GLG1: variants seen among roughly 807,000 people sequenced by gnomAD.
GLG1 encodes Golgi apparatus protein 1.
In GLG1, 38 loss-of-function variants were observed where a neutral mutation model predicts 160.5. The ratio of observed to expected loss-of-function variants is 0.24; its 90% CI spans 0.18 to 0.31. GLG1 has a LOEUF of 0.31. GLG1 is among the 10% of genes least tolerant of loss of function. The pLI, the probability that GLG1 is intolerant of heterozygous loss-of-function variation, is 1.00. For missense variants in GLG1, 1,373 were observed against 1,505.2 expected (o/e 0.91, Z 1.45); for synonymous variants, 644 against 543.4 (o/e 1.19, Z -2.57).
intron 1 of GLG1, among the ~76,000 whole-genome samples, chr16:74,539,051 C>T (rs922481400): frequency 2.0e-5 from 3 of 151,120 alleles, no homozygotes; most frequent in Non-Finnish European, 2.9e-5. Flanking sequence ...ATTGAAAAGG[C>T]ACATTCTGTG....
In GLG1 at chr16:74,598,518, TC is replaced by T. The variant is rs544623037; in HGVS notation, c.438+8138del. On this transcript the variant is annotated intron_variant, in intron 1 of 25. Coordinates refer to ENST00000422840, the MANE Select transcript of GLG1 (RefSeq NM_001145667.2). ...CTTGGTGACAGAATGAGACTCCATC[TC>T]AAAAAAAAAAAGAAAAAAGAAAGAA... Among the ~76,000 whole-genome samples, 26 of 144,192 alleles carry T rather than the reference TC, an allele frequency of 1.8e-4. No individual in the cohort carries two copies. The South Asian group carries it at 5.5e-3, about 30-fold the overall frequency. 94.6% of individuals were successfully genotyped at this position (144,192 alleles called of 152,430 possible). A position where few individuals can be genotyped will look rare whatever the true frequency, so the allele number is the denominator to read the frequency against.
chr16:74,528,968 G>GC (rs965208226), intron 2 of GLG1, among the ~76,000 whole-genome samples: 35 of 108,806 alleles, frequency 3.2e-4, no homozygotes, highest in Middle Eastern at 5.2e-3. Context: ...CATTCTGTCT[G>GC]CCTTTTTTTT....
At chr16:74,522,973 G>A (rs888271444) in intron 2 of GLG1, among the ~76,000 whole-genome samples, 9 of 152,056 alleles carry the variant, frequency 5.9e-5, no homozygotes, top group African/African-American at 1.2e-4. Flanking sequence ...CCAGAGCCAC[G>A]GAACCCAGCA....
chr16:74,533,057 A>G (rs1002428194), intron 1 of GLG1, among the ~76,000 whole-genome samples: 1 of 152,244 alleles, frequency 6.6e-6, no homozygotes, highest in Non-Finnish European at 1.5e-5. Context: ...ACGGTGGCTC[A>G]CGCCTGTAAT....
intron 1 of GLG1, among the ~76,000 whole-genome samples, chr16:74,548,684 T>C (rs1014619741): frequency 1.3e-5 from 2 of 152,050 alleles, no homozygotes; most frequent in Non-Finnish European, 2.9e-5. Flanking sequence ...GACTATTAGA[T>C]GATCAATTCT....
intron 1 of GLG1, among the ~76,000 whole-genome samples, chr16:74,558,782 A>G (rs1026649706): frequency 6.6e-6 from 1 of 152,254 alleles, no homozygotes; most frequent in Non-Finnish European, 1.5e-5. Context: ...AGAAGGGCAG[A>G]TAAATGTTTC....
At chr16:74,567,429 T>C (rs2018687309) in intron 1 of GLG1, among the ~76,000 whole-genome samples, 2 of 152,150 alleles carry the variant, frequency 1.3e-5, no homozygotes, top group East Asian at 3.9e-4. Context: ...TAGAAGCAAA[T>C]ACAAAACATT....
chr16:74,582,578 T>C (rs185842760), intron 1 of GLG1, among the ~76,000 whole-genome samples: 1,610 of 152,102 alleles, frequency 0.011, 24 homozygotes, highest in African/African-American at 0.037. Context: ...CCCAGCACTT[T>C]GGGAGGCCAA....
intron 4 of GLG1, among the ~76,000 whole-genome samples, chr16:74,496,949 G>C (rs1812847474): frequency 6.6e-6 from 1 of 152,022 alleles, no homozygotes; most frequent in Non-Finnish European, 1.5e-5. Context: ...ATAAGAACCT[G>C]AATTTTTAAA....
rs750403765 is a variant in GLG1 at position 74,459,800 on chromosome 16, G to A, written c.3037-11C>T. 2.7e-6 allele frequency: 4 copies of A among 1,464,574 alleles called. No homozygotes were observed. The highest frequency in any genetic ancestry group is 1.2e-5 in the South Asian group (1 of 82,566). 90.7% of individuals were successfully genotyped at this position (1,464,574 alleles called of 1,614,324 possible). A position where few individuals can be genotyped will look rare whatever the true frequency, so the allele number is the denominator to read the frequency against. On this transcript the variant is annotated splice_polypyrimidine_tract_variant and intron_variant, in intron 22 of 25. Transcript: ENST00000422840. ...ACATAGACTGGAGATCTGTTCAGGA[G>A]ACACAAAAAACAAAGCTACCCCACT...
At chr16:74,579,766 T>C (rs906315263) in intron 1 of GLG1, among the ~76,000 whole-genome samples, 1 of 147,136 alleles carries the variant, frequency 6.8e-6, no homozygotes, top group Admixed American at 6.8e-5. Context: ...GAGATCTTCA[T>C]ATGAAGACCT....
chr16:74,491,862 C>T (rs555149049), intron 7 of GLG1, among the ~76,000 whole-genome samples: 11 of 151,398 alleles, frequency 7.3e-5, no homozygotes, highest in African/African-American at 2.4e-4. Flanking sequence ...CTCCTGACCT[C>T]GTGATCTGCC....
chr16:74,498,798 G>A (rs1398629817), intron 4 of GLG1, among the ~76,000 whole-genome samples: 2 of 147,998 alleles, frequency 1.4e-5, no homozygotes, highest in East Asian at 2.0e-4. Context: ...CTGGGAGGCG[G>A]AGGTTGCAGT....
chr16:74,469,369 T>C, intron 16 of GLG1: 1 of 380,146 alleles, frequency 2.6e-6, no homozygotes, highest in Non-Finnish European at 4.9e-6. Flanking sequence ...AGAGGAATGC[T>C]GCTCTTAACT....
intron 2 of GLG1, among the ~76,000 whole-genome samples, chr16:74,522,972 C>T (rs1262913372): frequency 1.3e-5 from 2 of 152,182 alleles, no homozygotes; most frequent in African/African-American, 2.4e-5. Flanking sequence ...GCCAGAGCCA[C>T]GGAACCCAGC....
At chr16:74,532,804 G>C (rs1313700324) in intron 1 of GLG1, among the ~76,000 whole-genome samples, 1 of 152,168 alleles carries the variant, frequency 6.6e-6, no homozygotes, top group Non-Finnish European at 1.5e-5. Flanking sequence ...TGGGATTACA[G>C]ATGTGAATTA....
rs1263716426 is a variant in GLG1, at chr16:74,607,110, A to G, written c.-16T>C. ...ACGCCGCCATCTTGAGTCCGCGGCGAGCTCGACGCACTCGCCGGCGCCGCG... is the reference window on the plus strand; with the variant it reads ...ACGCCGCCATCTTGAGTCCGCGGCGGGCTCGACGCACTCGCCGGCGCCGCG... On this transcript the variant is annotated 5_prime_UTR_variant, in exon 1 of 26. Coordinates refer to ENST00000422840, the MANE Select transcript of GLG1 (RefSeq NM_001145667.2). The G allele has an allele frequency of 1.3e-5, 20 of 1,511,434 alleles. No individual in the cohort carries two copies. The highest frequency in any genetic ancestry group is 1.7e-5 in the Non-Finnish European group (19 of 1,127,974). The allele number at this position is 1,511,434 out of a possible 1,614,324, so 93.6% of individuals were successfully genotyped here. A position where few individuals can be genotyped will look rare whatever the true frequency, so the allele number is the denominator to read the frequency against.
At chr16:74,531,317 T>G (rs1417857215) in intron 2 of GLG1, among the ~76,000 whole-genome samples, 2 of 152,134 alleles carry the variant, frequency 1.3e-5, no homozygotes, top group East Asian at 3.9e-4. Flanking sequence ...GTGTCACCTC[T>G]TTTATTTATT....
Position 74,452,815 on chromosome 16 carries a change from T to C in GLG1, c.*352A>G. The stretch of plus-strand genomic sequence containing the variant: ...TTTTTTTCTTTAAAAAAATTTTTTT[T>C]TTTGGTGGTTTTCTTAAAAAAGCCT... On this transcript the variant is annotated 3_prime_UTR_variant, in exon 26 of 26. Transcript: ENST00000422840. 9.9e-7 allele frequency: 1 copy of C among 1,014,438 alleles called. No homozygotes were observed. The highest frequency in any genetic ancestry group is 1.2e-6 in the Non-Finnish European group (1 of 849,258). The allele number at this position is 1,014,438 out of a possible 1,614,324, so 62.8% of individuals were successfully genotyped here.
Sources: allele counts gnomAD v4.1 joint callset (sites outside exome capture counted in the v4.1 genomes callset), GRCh38; gene constraint gnomAD v4.1.1; transcripts MANE v1.5; gene names NCBI Gene and HGNC (gene_info 2026-07-23, HGNC 2026-07-21).